SLC5A4: variants seen among roughly 807,000 people sequenced by gnomAD.
SLC5A4 encodes solute carrier family 5 member 4, also known as probable glucose sensor protein SLC5A4.
SLC5A4 carries 55 observed loss-of-function variants against 70.3 expected under a neutral mutation model. The observed-to-expected ratio is 0.78, with a 90% CI of 0.63 to 0.98. The LOEUF is 0.98. SLC5A4 is among the 50% of genes least tolerant of loss of function. The pLI is 0.00. For synonymous variants in SLC5A4, 268 were observed against 305.7 expected, an observed-to-expected ratio of 0.88 and a Z score of 1.29; for missense variants, 735 against 839.2, an observed-to-expected ratio of 0.88 and a Z score of 1.53.
chr22:32,264,868 C>G, the SLC5A4 span, among the ~76,000 whole-genome samples: 10 of 152,046 alleles, frequency 6.6e-5, no homozygotes, highest in African/African-American at 2.2e-4. Context: ...GAACCCCGCA[C>G]GTTTATAGTC....
chr22:32,275,432 T>C, the SLC5A4 span, among the ~76,000 whole-genome samples: 5 of 152,292 alleles, frequency 3.3e-5, no homozygotes, highest in East Asian at 9.7e-4. Context: ...GTGTTCTCAT[T>C]GTTTAATTCC....
At chr22:32,272,944 C>G in the SLC5A4 span, 1 of 536,646 alleles carries the variant, frequency 1.9e-6, no homozygotes, top group South Asian at 1.5e-5. Flanking sequence ...GCGTGTGGAC[C>G]TCCGCACCCT....
chr22:32,228,894 T>C (rs1230233617), intron 11 of SLC5A4, among the ~76,000 whole-genome samples: 1 of 152,150 alleles, frequency 6.6e-6, no homozygotes, highest in Non-Finnish European at 1.5e-5. Flanking sequence ...TTTTACACCC[T>C]ATTAAAATAC....
intron 2 of SLC5A4, among the ~76,000 whole-genome samples, chr22:32,252,600 A>G (rs1199029369): frequency 2.0e-5 from 3 of 152,102 alleles, no homozygotes; most frequent in South Asian, 4.2e-4. Flanking sequence ...AGTATTTACA[A>G]TCTGGCCTTT....
the SLC5A4 span, chr22:32,270,909 G>A: frequency 1.8e-6 from 1 of 568,492 alleles, no homozygotes. Flanking sequence ...TGCCTGTACC[G>A]AGACCTCAGT....
At chr22:32,321,266 A>AT in the SLC5A4 span, among the ~76,000 whole-genome samples, 2 of 146,280 alleles carry the variant, frequency 1.4e-5, no homozygotes, top group African/African-American at 5.1e-5. Context: ...AGCCTGGGCA[A>AT]TAAGAATGAA....
chr22:32,221,937 A>G (rs1468869038), intron 13 of SLC5A4, among the ~76,000 whole-genome samples: 1 of 152,172 alleles, frequency 6.6e-6, no homozygotes, highest in African/African-American at 2.4e-5. Context: ...TATTTTGAGT[A>G]GAGACAGGGT....
At chr22:32,301,326 C>T in the SLC5A4 span, among the ~76,000 whole-genome samples, 1 of 152,146 alleles carries the variant, frequency 6.6e-6, no homozygotes, top group Non-Finnish European at 1.5e-5. Flanking sequence ...TTTACAGCCC[C>T]ACCAGCAAGG....
upstream of SLC5A4, among the ~76,000 whole-genome samples, chr22:32,258,603 G>A (rs1927602387): frequency 6.6e-6 from 1 of 152,176 alleles, no homozygotes; most frequent in South Asian, 2.1e-4. Flanking sequence ...TCAAGGATGT[G>A]GAGAAATTGG....
At chr22:32,345,493 A>G in the SLC5A4 span, among the ~76,000 whole-genome samples, 1 of 152,180 alleles carries the variant, frequency 6.6e-6, no homozygotes, top group African/African-American at 2.4e-5. Context: ...CAATAATTTG[A>G]GTCTTTTCTT....
the SLC5A4 span, among the ~76,000 whole-genome samples, chr22:32,304,526 G>A: frequency 0.48 from 72,753 of 151,830 alleles, 17,581 homozygotes; most frequent in Admixed American, 0.51. Flanking sequence ...TGACCTTCCC[G>A]CCTCAGCCTC....
the SLC5A4 span, among the ~76,000 whole-genome samples, chr22:32,311,427 A>G: frequency 6.6e-6 from 1 of 152,212 alleles, no homozygotes; most frequent in Non-Finnish European, 1.5e-5. Flanking sequence ...GAGTGTGTCT[A>G]CACTGGCAGC....
the SLC5A4 span, among the ~76,000 whole-genome samples, chr22:32,290,148 A>G: frequency 0.48 from 73,376 of 151,702 alleles, 17,883 homozygotes; most frequent in Admixed American, 0.52. Flanking sequence ...TTGTGACATA[A>G]GTACACATGT....
the SLC5A4 span, among the ~76,000 whole-genome samples, chr22:32,280,265 C>A: frequency 9.2e-5 from 14 of 152,274 alleles, no homozygotes; most frequent in East Asian, 3.9e-4. Flanking sequence ...ATCCACCCCC[C>A]CTCAACCTCC....
the SLC5A4 span, among the ~76,000 whole-genome samples, chr22:32,292,654 T>C: frequency 5.3e-5 from 8 of 152,102 alleles, no homozygotes; most frequent in African/African-American, 1.7e-4. Context: ...TGTGGTCAAA[T>C]AAAGTCCTCT....
chr22:32,247,641 C>T, intron 4 of SLC5A4, 126 bp from the exon 5 acceptor site: 1 of 679,724 alleles, frequency 1.5e-6, no homozygotes, highest in Non-Finnish European at 2.7e-6. Flanking sequence ...GTGATGGAAC[C>T]ATGGCTTCTT....
the SLC5A4 span, among the ~76,000 whole-genome samples, chr22:32,290,706 C>T: frequency 1.3e-5 from 2 of 152,088 alleles, no homozygotes; most frequent in Non-Finnish European, 2.9e-5. Context: ...GCAGAAGACT[C>T]GCTCTCTGCC....
the SLC5A4 span, among the ~76,000 whole-genome samples, chr22:32,328,096 A>AC: frequency 0.16 from 17,161 of 109,144 alleles, 1,306 homozygotes; most frequent in Non-Finnish European, 0.26. Flanking sequence ...CCCAACACAC[A>AC]AACACACACA....
At chr22:32,237,678 T>C (rs1476956913) in intron 6 of SLC5A4, among the ~76,000 whole-genome samples, 1 of 152,226 alleles carries the variant, frequency 6.6e-6, no homozygotes, top group Non-Finnish European at 1.5e-5. Flanking sequence ...CTCTAAAATA[T>C]CTAGTGAAAC....
Sources: gnomAD v4.1 joint callset for allele counts (sites outside exome capture counted in the v4.1 genomes callset) on GRCh38, gnomAD v4.1.1 for gene constraint, MANE v1.5 for transcripts, NCBI Gene and HGNC (gene_info 2026-07-23, HGNC 2026-07-21) for gene names.